Variants in RPRD2 observed in about 807,000 individuals in gnomAD.
RPRD2 encodes regulation of nuclear pre-mRNA domain-containing protein 2.
RPRD2 carries 12 observed loss-of-function variants against 104.4 expected under a neutral mutation model. The ratio of observed to expected loss-of-function variants is 0.11; its 90% CI spans 0.07 to 0.19. RPRD2 has a LOEUF of 0.19. Ranked by LOEUF, RPRD2 falls within the 10% of genes least tolerant of loss-of-function variation. RPRD2 has a pLI of 1.00. For missense variants in RPRD2, 1,543 were observed against 1,790.1 expected (o/e 0.86, Z 2.49); for synonymous variants, 714 against 684.9 (o/e 1.04, Z -0.66).
In RPRD2 at chr1:150,474,313, G is replaced by C. The variant is rs1668782370; in HGVS notation, c.*979G>C. 1 of 152,072 alleles carries C rather than the reference G, an allele frequency of 6.6e-6. No homozygotes were observed. The highest frequency in any genetic ancestry group is 2.4e-5 in the African/African-American group (1 of 41,396). 9.4% of individuals were successfully genotyped at this position (152,072 alleles called of 1,614,324 possible). A position where few individuals can be genotyped will look rare whatever the true frequency, so the allele number is the denominator to read the frequency against. On this transcript the variant is annotated 3_prime_UTR_variant, in exon 11 of 11. Coordinates refer to ENST00000369068, the MANE Select transcript of RPRD2 (RefSeq NM_015203.5). ...CCTAATGTAAGTGATATTTATTGGTGGTTTTCAACAAAGGTTAACTATTAA... is the reference window on the plus strand; with the variant it reads ...CCTAATGTAAGTGATATTTATTGGTCGTTTTCAACAAAGGTTAACTATTAA...
intron 9 of RPRD2, among the ~76,000 whole-genome samples, chr1:150,464,155 G>A (rs587641827): frequency 3.3e-5 from 5 of 151,888 alleles, no homozygotes; most frequent in South Asian, 4.2e-4. Flanking sequence ...GATTACAGGC[G>A]CCTGCCACCA....
chr1:150,468,898 A>AT (rs1279949182), intron 10 of RPRD2, among the ~76,000 whole-genome samples: 1 of 151,688 alleles, frequency 6.6e-6, no homozygotes, highest in Non-Finnish European at 1.5e-5. Context: ...AAAGGAAACT[A>AT]TTAGTAGGGA....
intron 1 of RPRD2, among the ~76,000 whole-genome samples, chr1:150,400,529 A>G (rs1224881549): frequency 6.6e-6 from 1 of 152,094 alleles, no homozygotes; most frequent in Non-Finnish European, 1.5e-5. Flanking sequence ...GCAGTTAACA[A>G]TAGAGTTTAT....
intron 10 of RPRD2, among the ~76,000 whole-genome samples, chr1:150,466,181 A>G (rs369503808): frequency 6.6e-6 from 1 of 151,764 alleles, no homozygotes; most frequent in Non-Finnish European, 1.5e-5. Context: ...GATCGATACC[A>G]TCCTGGCTAA....
At chr1:150,369,891 A>G (rs1357310812) in intron 1 of RPRD2, among the ~76,000 whole-genome samples, 1 of 151,354 alleles carries the variant, frequency 6.6e-6, no homozygotes, top group African/African-American at 2.4e-5. Flanking sequence ...AGTGATTTTC[A>G]TGCCTCCGCT....
At chr1:150,379,376 G>A (rs1660962097) in intron 1 of RPRD2, among the ~76,000 whole-genome samples, 1 of 151,830 alleles carries the variant, frequency 6.6e-6, no homozygotes, top group African/African-American at 2.4e-5. Flanking sequence ...AAATTCTTAG[G>A]TTTAATTTCT....
At chr1:150,429,967 A>C (rs1255686323) in intron 2 of RPRD2, among the ~76,000 whole-genome samples, 1 of 152,228 alleles carries the variant, frequency 6.6e-6, no homozygotes, top group African/African-American at 2.4e-5. Flanking sequence ...TAGGCTCTGG[A>C]GAAGGGCAAA....
rs587617136 is a variant in RPRD2, at chr1:150,377,566, C to G, written c.205+12647C>G. Reference sequence around the variant, plus strand: ...TGAGCCGAGATCGTACCACTGCACTCTAGCCTGGGCGACAGAGCAAGACTG... The same window carrying G: ...TGAGCCGAGATCGTACCACTGCACTGTAGCCTGGGCGACAGAGCAAGACTG... On this transcript the variant is annotated intron_variant, in intron 1 of 10. Transcript: ENST00000369068. 4.0e-5 allele frequency among the ~76,000 whole-genome samples: 6 copies of G among 148,492 alleles called. No individual in the cohort carries two copies. In the East Asian group the frequency reaches 9.8e-4, roughly 24 times the overall value.
intron 10 of RPRD2, among the ~76,000 whole-genome samples, chr1:150,466,775 CCTACTCT>C: frequency 6.6e-6 from 1 of 152,004 alleles, no homozygotes; most frequent in Non-Finnish European, 1.5e-5. Flanking sequence ...ATAAATCTTT[CCTACTCT>C]CTACTCTCTT....
At chr1:150,446,921 C>T (rs967526898) in intron 7 of RPRD2, among the ~76,000 whole-genome samples, 7 of 149,912 alleles carry the variant, frequency 4.7e-5, no homozygotes, top group African/African-American at 9.8e-5. Context: ...CAGCAACCTC[C>T]GCCTCCCGGG....
chr1:150,422,778 G>A (rs11205369), intron 2 of RPRD2, among the ~76,000 whole-genome samples: 33,748 of 151,960 alleles, frequency 0.22, 4,268 homozygotes, highest in African/African-American at 0.32. Context: ...AACTTATTAG[G>A]GACATTAATT....
chr1:150,369,130 TAAGG>T (rs1448650824), intron 1 of RPRD2, among the ~76,000 whole-genome samples: 67 of 152,302 alleles, frequency 4.4e-4, no homozygotes, highest in Middle Eastern at 3.4e-3. Flanking sequence ...ATCAAGAACT[TAAGG>T]AACAGAATTG....
rs1667834373 is a variant in RPRD2 at position 150,460,233 on chromosome 1, T to C, written c.1327T>C (p.Leu443=). The change falls in exon 9 of 11, where the codon TTG becomes CTG. Residue 443 remains leucine, a synonymous_variant. Transcript: ENST00000369068. ...VNTSLSPSPA[L]ALPNLANVDL... Reference sequence around the variant, plus strand: ...TACTTCTCTTTCCCCTTCCCCAGCATTGGCTTTGCCAAACCTGGCTAATGT... The same window carrying C: ...TACTTCTCTTTCCCCTTCCCCAGCACTGGCTTTGCCAAACCTGGCTAATGT... 1.9e-6 allele frequency: 3 copies of C among 1,613,846 alleles called. No homozygotes were observed. Among genetic ancestry groups the C allele is most frequent in the Non-Finnish European group, 2.5e-6 (3 of 1,179,844 alleles).
Position 150,392,242 on chromosome 1 carries a change from C to T in RPRD2, c.206-25354C>T, listed in dbSNP as rs1253546743. Among the ~76,000 whole-genome samples, 29 of 151,908 alleles carry T rather than the reference C, an allele frequency of 1.9e-4. 1 individual carries two copies. The highest frequency in any genetic ancestry group is 1.3e-4 in the Non-Finnish European group (9 of 67,980). ...TGATTTAGGGGTGGGTGCAGTGGCT[C>T]ACGCCTGTAATCCTAGCACTTGGGA... On this transcript the variant is annotated intron_variant, in intron 1 of 10. Coordinates refer to ENST00000369068, the MANE Select transcript of RPRD2 (RefSeq NM_015203.5).
intron 6 of RPRD2, among the ~76,000 whole-genome samples, chr1:150,445,005 A>AGT (rs753451713): frequency 1.3e-5 from 2 of 152,106 alleles, no homozygotes; most frequent in Non-Finnish European, 2.9e-5. Context: ...TGGGCAACAT[A>AGT]GTGAGACCCT....
At chr1:150,368,755 C>T (rs1043836390) in intron 1 of RPRD2, among the ~76,000 whole-genome samples, 6 of 151,566 alleles carry the variant, frequency 4.0e-5, no homozygotes, top group Non-Finnish European at 5.9e-5. Context: ...TGTGAGCCGC[C>T]GCACCCGGTA....
intron 2 of RPRD2, among the ~76,000 whole-genome samples, chr1:150,438,396 C>T (rs910961476): frequency 3.3e-5 from 5 of 151,978 alleles, no homozygotes; most frequent in Non-Finnish European, 5.9e-5. Flanking sequence ...GAGGCCAAGG[C>T]GGGCAGATCA....
At chr1:150,448,461 A>G (rs1461056615) in intron 7 of RPRD2, among the ~76,000 whole-genome samples, 1 of 152,046 alleles carries the variant, frequency 6.6e-6, no homozygotes, top group Non-Finnish European at 1.5e-5. Context: ...CAGCCACCAC[A>G]CCCAGCCAAC....
intron 1 of RPRD2, among the ~76,000 whole-genome samples, chr1:150,394,728 C>G (rs1365405712): frequency 1.3e-5 from 2 of 152,064 alleles, no homozygotes; most frequent in South Asian, 4.1e-4. Context: ...GTAGGTGGTG[C>G]ACACCACCAT....
Sources: allele counts gnomAD v4.1 joint callset (sites outside exome capture counted in the v4.1 genomes callset), GRCh38; gene constraint gnomAD v4.1.1; transcripts MANE v1.5; gene names NCBI Gene and HGNC (gene_info 2026-07-23, HGNC 2026-07-21).